RAB39A: variants seen among roughly 807,000 people sequenced by gnomAD.
RAB39A encodes ras-related protein Rab-39A.
RAB39A carries 17 observed loss-of-function variants against 20.9 expected under a neutral mutation model. That is an observed-to-expected ratio of 0.81 (90% confidence interval 0.56 to 1.22). RAB39A has a LOEUF of 1.22. RAB39A is among the 50% of genes most tolerant of loss of function. The pLI is 0.00. For missense variants in RAB39A, 234 were observed against 270.5 expected, an observed-to-expected ratio of 0.87 and a Z score of 0.95; for synonymous variants, 99 against 103.4, an observed-to-expected ratio of 0.96 and a Z score of 0.26.
At chr11:107,953,495 C>T (rs1256965720) in intron 1 of RAB39A, among the ~76,000 whole-genome samples, 1 of 152,094 alleles carries the variant, frequency 6.6e-6, no homozygotes, top group Non-Finnish European at 1.5e-5. Flanking sequence ...GATACTGTTG[C>T]CCCCTTTCTG....
chr11:107,946,138 C>T (rs934978186), intron 1 of RAB39A, among the ~76,000 whole-genome samples: 3 of 150,624 alleles, frequency 2.0e-5, no homozygotes, highest in African/African-American at 7.4e-5. Context: ...GGAAATTTGT[C>T]ATGTGAAACC....
chr11:107,928,576 C>A lies in RAB39A; in HGVS notation c.8C>A (p.Thr3Asn). Residue 3 changes from threonine to asparagine, a missense_variant, in exon 1 of 2, where the codon ACC becomes AAC. Thr to Asn is a moderately conservative substitution (Grantham distance 65, BLOSUM62 0). Coordinates refer to ENST00000320578, the MANE Select transcript of RAB39A (RefSeq NM_017516.3). The surrounding 1 kb of genome is among the most constrained non-coding windows in gnomAD (Gnocchi z 4.9). ME[T>N]IWIYQFRLIV... ...CAGCGGGGCACGTGAGCGATGGAGACCATCTGGATCTACCAGTTCCGCCTC... is the reference window on the plus strand; with the variant it reads ...CAGCGGGGCACGTGAGCGATGGAGAACATCTGGATCTACCAGTTCCGCCTC... The A allele has an allele frequency of 1.3e-6, 2 of 1,522,754 alleles. No homozygotes were observed. The highest frequency in any genetic ancestry group is 1.8e-6 in the Non-Finnish European group (2 of 1,120,486). 94.3% of individuals were successfully genotyped at this position (1,522,754 alleles called of 1,614,324 possible). A position where few individuals can be genotyped will look rare whatever the true frequency, so the allele number is the denominator to read the frequency against.
At chr11:107,959,574 C>T (rs910144442) in intron 1 of RAB39A, among the ~76,000 whole-genome samples, 7 of 152,040 alleles carry the variant, frequency 4.6e-5, no homozygotes, top group Admixed American at 1.3e-4. Flanking sequence ...TAGTCCTTGA[C>T]AAAAGTTTTT....
intron 1 of RAB39A, among the ~76,000 whole-genome samples, chr11:107,946,430 GTGTGTGTATATATA>G (rs1348871317): frequency 1.8e-3 from 43 of 23,328 alleles, no homozygotes; most frequent in East Asian, 0.018. Flanking sequence ...GTGTGTGTGT[GTGTGTGTATATATA>G]TATATATATA....
intron 1 of RAB39A, among the ~76,000 whole-genome samples, chr11:107,961,192 T>A (rs1238580740): frequency 6.6e-6 from 1 of 152,158 alleles, no homozygotes; most frequent in African/African-American, 2.4e-5. Context: ...AGAAATTTAG[T>A]TCTCACAATT....
intron 1 of RAB39A, among the ~76,000 whole-genome samples, chr11:107,945,724 TC>T (rs775666376): frequency 1.3e-5 from 2 of 151,964 alleles, no homozygotes; most frequent in Non-Finnish European, 2.9e-5. Context: ...TGCCATTCCT[TC>T]CCCCATTCCA....
chr11:107,928,782 C>G lies in RAB39A; in HGVS notation c.214C>G (p.Gln72Glu). 2 of 1,582,982 alleles carry G rather than the reference C, an allele frequency of 1.3e-6. No individual in the cohort carries two copies. The highest frequency in any genetic ancestry group is 1.7e-6 in the Non-Finnish European group (2 of 1,162,376). The part of the protein sequence containing the change: ...IKLQLWDTAG[Q>E]ERFRSITRSY... ...GCTACAGCTCTGGGACACGGCGGGACAGGAGCGGTTCAGGTAGGGACCCCG... is the reference window on the plus strand; with the variant it reads ...GCTACAGCTCTGGGACACGGCGGGAGAGGAGCGGTTCAGGTAGGGACCCCG... Residue 72 changes from glutamine to glutamate, a missense_variant, in exon 1 of 2, where the codon CAG becomes GAG. Coordinates refer to ENST00000320578, the MANE Select transcript of RAB39A (RefSeq NM_017516.3). The surrounding 1 kb of genome is among the most constrained non-coding windows in gnomAD (Gnocchi z 4.9).
chr11:107,961,222 G>A (rs992095816), intron 1 of RAB39A, among the ~76,000 whole-genome samples: 1 of 152,158 alleles, frequency 6.6e-6, no homozygotes, highest in Non-Finnish European at 1.5e-5. Flanking sequence ...GGAAGTGGAT[G>A]ATCAGGGAGA....
intron 1 of RAB39A, among the ~76,000 whole-genome samples, chr11:107,960,596 G>A (rs2079882525): frequency 6.6e-6 from 1 of 152,220 alleles, no homozygotes; most frequent in African/African-American, 2.4e-5. Flanking sequence ...TAGCCGAAAA[G>A]AGTTTAATGA....
chr11:107,951,909 A>G (rs1861384639), intron 1 of RAB39A, among the ~76,000 whole-genome samples: 1 of 152,122 alleles, frequency 6.6e-6, no homozygotes, highest in Admixed American at 6.6e-5. Flanking sequence ...TATCATTTAC[A>G]TTTTTTAGAA....
Position 107,929,223 on chromosome 11 carries a change from G to A in RAB39A, c.227+428G>A, listed in dbSNP as rs1383477317. On this transcript the variant is annotated intron_variant, in intron 1 of 1. Transcript: ENST00000320578. The stretch of plus-strand genomic sequence containing the variant: ...CCCCTTTTCCTACCCTAACCCAGCG[G>A]CTCCCACGCTGTGTGGCCGGGGAGA... 2.0e-5 allele frequency among the ~76,000 whole-genome samples: 3 copies of A among 152,158 alleles called. No homozygotes were observed. In the East Asian group the frequency reaches 5.8e-4, roughly 29 times the overall value.
intron 1 of RAB39A, among the ~76,000 whole-genome samples, chr11:107,947,738 C>G (rs186801967): frequency 8.7e-6 from 1 of 114,586 alleles, no homozygotes; most frequent in African/African-American, 3.4e-5. Context: ...TTTCCAGAAA[C>G]AACAGTGGAA....
rs71047654 is a variant in RAB39A at position 107,946,396 on chromosome 11, ATGTGTGTGTGTG to A, written c.228-15520_228-15509del. On this transcript the variant is annotated intron_variant, in intron 1 of 1. Transcript: ENST00000320578. ...CACACATATATATGTGGGTGTATATATGTGTGTGTGTGTGTGTGTGTGTGTGTGTGTGTGTGT... is the reference window on the plus strand; with the variant it reads ...CACACATATATATGTGGGTGTATATATGTGTGTGTGTGTGTGTGTGTGTGT... Among the ~76,000 whole-genome samples, 153 of 37,624 alleles carry A rather than the reference ATGTGTGTGTGTG, an allele frequency of 4.1e-3. 1 individual carries two copies. Among genetic ancestry groups the A allele is most frequent in the African/African-American group, 8.4e-3 (69 of 8,248 alleles). The allele number at this position is 37,624 out of a possible 152,430, so 24.7% of individuals were successfully genotyped here.
intron 1 of RAB39A, among the ~76,000 whole-genome samples, chr11:107,961,049 G>T (rs1861491392): frequency 6.6e-6 from 1 of 152,120 alleles, no homozygotes; most frequent in Non-Finnish European, 1.5e-5. Flanking sequence ...CATATCCCAG[G>T]TCCATACAGT....
At position 107,939,930 on chromosome 11, in the gene RAB39A, A is replaced by G. The variant is rs73553021; in HGVS notation, c.227+11135A>G. On this transcript the variant is annotated intron_variant, in intron 1 of 1. Coordinates refer to ENST00000320578, the MANE Select transcript of RAB39A (RefSeq NM_017516.3). ...CACCGCAGTGAAGTTGTGTGAAGAA[A>G]AGTGCTTTACTCAGTCCGAGAGATG... Among the ~76,000 whole-genome samples, 993 of 152,282 alleles carry G rather than the reference A, an allele frequency of 6.5e-3. 11 individuals are homozygous for G. The highest frequency in any genetic ancestry group is 0.023 in the African/African-American group (945 of 41,562).
intron 1 of RAB39A, among the ~76,000 whole-genome samples, chr11:107,957,983 C>G (rs1490676731): frequency 6.6e-6 from 1 of 151,988 alleles, no homozygotes; most frequent in Non-Finnish European, 1.5e-5. Context: ...CTTCTGCCTC[C>G]TGGGTTCAAG....
chr11:107,933,623 C>T (rs1343157576), intron 1 of RAB39A, among the ~76,000 whole-genome samples: 1 of 151,182 alleles, frequency 6.6e-6, no homozygotes, highest in Non-Finnish European at 1.5e-5. Context: ...CTGCCCGCCT[C>T]GGCCTCCCAA....
intron 1 of RAB39A, among the ~76,000 whole-genome samples, chr11:107,949,228 T>A (rs1861349319): frequency 6.6e-6 from 1 of 152,008 alleles, no homozygotes; most frequent in South Asian, 2.1e-4. Context: ...GGAGAATTGC[T>A]TGAACCTGGG....
chr11:107,961,079 T>A (rs902063798), intron 1 of RAB39A, among the ~76,000 whole-genome samples: 5 of 152,178 alleles, frequency 3.3e-5, no homozygotes, highest in African/African-American at 1.2e-4. Context: ...CTTGAATAGG[T>A]GCAACACAAG....
Sources: gnomAD v4.1 joint callset for allele counts (sites outside exome capture counted in the v4.1 genomes callset) on GRCh38, gnomAD v4.1.1 for gene constraint, Gnocchi (gnomAD v3.1) non-coding constraint, MANE v1.5 for transcripts, NCBI Gene and HGNC (gene_info 2026-07-23, HGNC 2026-07-21) for gene names.